Variants in CFAP58 observed in about 807,000 individuals in gnomAD.
The protein encoded by CFAP58 is cilia and flagella associated protein 58.
In CFAP58, 88 loss-of-function variants were observed where a neutral mutation model predicts 119.5. The observed-to-expected ratio is 0.74, with a 90% confidence interval of 0.62 to 0.88. The LOEUF is 0.88. Among genes scored for constraint, CFAP58 ranks in the 40% least tolerant of loss-of-function variants. CFAP58 has a pLI of 0.00. For synonymous variants in CFAP58, 365 were observed against 366.3 expected (o/e 1.00, Z 0.04); for missense variants, 990 against 1,021.2 (o/e 0.97, Z 0.42).
intron 1 of CFAP58, among the ~76,000 whole-genome samples, chr10:104,355,399 C>T (rs113538254): frequency 6.6e-6 from 1 of 152,218 alleles, no homozygotes; most frequent in East Asian, 1.9e-4. Context: ...TCAGAAGCTG[C>T]TCCACTATTA....
chr10:104,423,899 C>T (rs912013565), intron 15 of CFAP58, among the ~76,000 whole-genome samples: 1 of 152,158 alleles, frequency 6.6e-6, no homozygotes, highest in African/African-American at 2.4e-5. Context: ...GTGCTTCTTA[C>T]AAGGATGAGA....
intron 1 of CFAP58, 48 bp from the exon 2 acceptor site, chr10:104,358,293 G>C: frequency 6.4e-7 from 1 of 1,557,966 alleles, no homozygotes; most frequent in Non-Finnish European, 8.7e-7. Context: ...TGATGGTAAT[G>C]ATGTAAATGT....
intron 1 of CFAP58, among the ~76,000 whole-genome samples, chr10:104,356,413 A>G (rs1475935961): frequency 6.6e-6 from 1 of 152,180 alleles, no homozygotes; most frequent in Non-Finnish European, 1.5e-5. Context: ...GGGACTACAG[A>G]TTGTTTCAGT....
At chr10:104,397,173 G>A (rs1377920947) in intron 11 of CFAP58, among the ~76,000 whole-genome samples, 1 of 152,130 alleles carries the variant, frequency 6.6e-6, no homozygotes, top group Admixed American at 6.5e-5. Context: ...TTTTATTAAA[G>A]AAAGCATGAG....
the CFAP58 span, among the ~76,000 whole-genome samples, chr10:104,344,232 G>A: frequency 6.6e-6 from 1 of 152,158 alleles, no homozygotes; most frequent in South Asian, 2.1e-4. Flanking sequence ...GTCTAAAGAT[G>A]GTACCCTTGC....
intron 15 of CFAP58, among the ~76,000 whole-genome samples, chr10:104,408,679 A>G (rs1056356565): frequency 1.3e-5 from 2 of 152,074 alleles, no homozygotes; most frequent in Admixed American, 1.3e-4. Context: ...TAACTTTATT[A>G]TTTCCTTCCC....
intron 17 of CFAP58, among the ~76,000 whole-genome samples, chr10:104,452,185 C>T (rs2013207602): frequency 1.3e-5 from 2 of 151,658 alleles, no homozygotes; most frequent in Admixed American, 1.3e-4. Flanking sequence ...GTTTGTAACT[C>T]TTAGGCATAA....
At chr10:104,438,439 A>G (rs1297373246) in intron 15 of CFAP58, among the ~76,000 whole-genome samples, 1 of 138,820 alleles carries the variant, frequency 7.2e-6, no homozygotes, top group Non-Finnish European at 1.5e-5. Context: ...GCAGTGGCGC[A>G]ATCTCGGCTC....
intron 11 of CFAP58, among the ~76,000 whole-genome samples, chr10:104,396,522 T>G (rs972882101): frequency 3.3e-5 from 5 of 152,032 alleles, no homozygotes; most frequent in Admixed American, 3.3e-4. Flanking sequence ...TACTATTTGT[T>G]TTGCTAGATT....
intron 2 of CFAP58, among the ~76,000 whole-genome samples, chr10:104,359,431 C>T (rs2014637963): frequency 6.6e-6 from 1 of 152,162 alleles, no homozygotes; most frequent in Non-Finnish European, 1.5e-5. Context: ...TCATGTTCTT[C>T]TCCTTACTGA....
intron 15 of CFAP58, among the ~76,000 whole-genome samples, chr10:104,410,722 T>G (rs770289725): frequency 3.0e-4 from 45 of 152,150 alleles, no homozygotes; most frequent in African/African-American, 1.0e-3. Flanking sequence ...TTAGTTTTGC[T>G]TACTATGTTC....
intron 15 of CFAP58, among the ~76,000 whole-genome samples, chr10:104,423,601 T>C (rs1439416858): frequency 6.6e-6 from 1 of 151,454 alleles, no homozygotes; most frequent in East Asian, 1.9e-4. Flanking sequence ...AAAAAGGAAA[T>C]AAGTAGATTA....
intron 15 of CFAP58, among the ~76,000 whole-genome samples, chr10:104,438,444 C>G (rs533190662): frequency 6.9e-6 from 1 of 145,964 alleles, no homozygotes; most frequent in Non-Finnish European, 1.5e-5. Context: ...GGCGCAATCT[C>G]GGCTCACTGC....
chr10:104,361,966 A>G (rs1049787309), intron 2 of CFAP58, 57 bp from the exon 3 acceptor site: 4 of 1,537,794 alleles, frequency 2.6e-6, no homozygotes, highest in South Asian at 1.2e-5. Flanking sequence ...TTGCTGGTTT[A>G]TCTTGCATCT....
At chr10:104,380,331 T>C in intron 9 of CFAP58, 111 bp downstream of exon 9, 1 of 1,082,814 alleles carries the variant, frequency 9.2e-7, no homozygotes, top group Non-Finnish European at 1.3e-6. Context: ...TGTTTGTAAT[T>C]TGTGTGAAGA....
At chr10:104,402,583 G>A (rs1016866554) in intron 13 of CFAP58, among the ~76,000 whole-genome samples, 1 of 152,160 alleles carries the variant, frequency 6.6e-6, no homozygotes, top group Non-Finnish European at 1.5e-5. Context: ...TCGATAGGGC[G>A]ACAGCCAGCT....
intron 7 of CFAP58, among the ~76,000 whole-genome samples, chr10:104,374,069 T>A (rs930727635): frequency 2.0e-5 from 3 of 152,148 alleles, no homozygotes; most frequent in Non-Finnish European, 4.4e-5. Flanking sequence ...TAAATAAAAG[T>A]TAAAATTTTC....
intron 1 of CFAP58, 61 bp downstream of exon 1, chr10:104,353,967 A>G (rs376512013): frequency 6.3e-7 from 1 of 1,583,298 alleles, no homozygotes; most frequent in African/African-American, 1.3e-5. Flanking sequence ...TCCCTCTCCT[A>G]CTGACGATTG....
At position 104,450,175 on chromosome 10, in the gene CFAP58, C is replaced by G; in HGVS notation, c.2481C>G (p.Leu827=). 1 of 1,612,976 alleles carries G rather than the reference C, an allele frequency of 6.2e-7. No homozygotes were observed. ...TCCAGAATTTAAAGAAGAAATACCT[C>G]GCTCAGAAACGTAAAGAACAACTTC... ...NELQNLKKKY[L]AQKRKEQLQK... is the part of the protein sequence containing the mutation. Residue 827 remains leucine (L), a synonymous_variant, in exon 17 of 18, where the codon CTC becomes CTG. Transcript: ENST00000369704.
Sources: allele counts gnomAD v4.1 joint callset (sites outside exome capture counted in the v4.1 genomes callset), GRCh38; gene constraint gnomAD v4.1.1; transcripts MANE v1.5; gene names NCBI Gene and HGNC (gene_info 2026-07-23, HGNC 2026-07-21).